UBE2E3: variants seen among roughly 807,000 people sequenced by gnomAD.
The protein encoded by UBE2E3 is ubiquitin-conjugating enzyme E2 E3.
A neutral mutation model predicts 23.6 loss-of-function variants in UBE2E3; 5 were observed. The observed-to-expected ratio is 0.21, with a 90% CI of 0.11 to 0.44. The LOEUF is 0.44. Ranked by LOEUF, UBE2E3 falls within the 20% of genes least tolerant of loss-of-function variation. The pLI, the probability that UBE2E3 is intolerant of heterozygous loss-of-function variation, is 0.99. For missense variants in UBE2E3, 81 were observed against 249.8 expected, an observed-to-expected ratio of 0.32 and a Z score of 4.55; for synonymous variants, 78 against 87.5, an observed-to-expected ratio of 0.89 and a Z score of 0.60.
chr2:180,989,761 T>C (rs1465636633), intron 3 of UBE2E3: 14 of 1,088,744 alleles, frequency 1.3e-5, no homozygotes, highest in Middle Eastern at 2.2e-4. Context: ...AAAAAAGTTA[T>C]ATGTTTACTT....
intron 3 of UBE2E3, among the ~76,000 whole-genome samples, chr2:181,047,690 A>G (rs764762335): frequency 6.6e-6 from 1 of 151,942 alleles, no homozygotes; most frequent in Non-Finnish European, 1.5e-5. Context: ...TGTCTCTGGT[A>G]CCATATTAGT....
At chr2:181,058,880 T>G (rs143409541) in intron 4 of UBE2E3, among the ~76,000 whole-genome samples, 2 of 151,912 alleles carry the variant, frequency 1.3e-5, no homozygotes, top group East Asian at 3.9e-4. Context: ...TGTTAGTGTT[T>G]AAAGTGCTTT....
chr2:180,982,693 A>G (rs1403527757), intron 2 of UBE2E3, among the ~76,000 whole-genome samples: 3 of 152,206 alleles, frequency 2.0e-5, no homozygotes, highest in Non-Finnish European at 2.9e-5. Context: ...GGCCTTTGCT[A>G]TATTTGAAAG....
chr2:181,049,434 GGTT>G, intron 3 of UBE2E3, among the ~76,000 whole-genome samples: 1 of 152,110 alleles, frequency 6.6e-6, no homozygotes, highest in South Asian at 2.1e-4. Context: ...CCTTGTGTAT[GGTT>G]GTACTTGTAG....
intron 3 of UBE2E3, among the ~76,000 whole-genome samples, chr2:180,988,215 C>T (rs111607341): frequency 5.1e-4 from 77 of 152,196 alleles, no homozygotes; most frequent in African/African-American, 1.8e-3. Flanking sequence ...ACAGTGTAGC[C>T]TGTAGTGATG....
At chr2:181,048,480 T>G (rs932478530) in intron 3 of UBE2E3, among the ~76,000 whole-genome samples, 7 of 152,154 alleles carry the variant, frequency 4.6e-5, no homozygotes, top group Admixed American at 3.3e-4. Context: ...AGCAATACCA[T>G]TTCCTGGTTG....
At chr2:181,031,406 T>C (rs1686073344) in intron 3 of UBE2E3, among the ~76,000 whole-genome samples, 2 of 152,198 alleles carry the variant, frequency 1.3e-5, no homozygotes, top group African/African-American at 4.8e-5. Flanking sequence ...TACTATACCT[T>C]GAGGCTATTT....
chr2:181,014,370 A>C (rs756770533), intron 3 of UBE2E3, among the ~76,000 whole-genome samples: 1 of 152,146 alleles, frequency 6.6e-6, no homozygotes, highest in Non-Finnish European at 1.5e-5. Context: ...AAATTATTTG[A>C]GTATTTTAGG....
At chr2:181,010,134 C>A (rs1202432927) in intron 3 of UBE2E3, among the ~76,000 whole-genome samples, 1 of 152,128 alleles carries the variant, frequency 6.6e-6, no homozygotes, top group Non-Finnish European at 1.5e-5. Context: ...CCACCACATA[C>A]TACTACTCCT....
intron 3 of UBE2E3, among the ~76,000 whole-genome samples, chr2:181,001,583 A>G (rs1203713917): frequency 2.0e-5 from 3 of 152,150 alleles, no homozygotes; most frequent in Admixed American, 1.3e-4. Context: ...AAAAGTGAAG[A>G]AAAAAATAAA....
chr2:181,000,610 A>G (rs1684963385), intron 3 of UBE2E3, among the ~76,000 whole-genome samples: 1 of 148,548 alleles, frequency 6.7e-6, no homozygotes, highest in Admixed American at 6.7e-5. Flanking sequence ...GCTGCAGTGC[A>G]GTGGCTTGAT....
intron 3 of UBE2E3, among the ~76,000 whole-genome samples, chr2:181,000,633 C>T (rs1377562003): frequency 6.6e-6 from 1 of 151,086 alleles, no homozygotes; most frequent in African/African-American, 2.4e-5. Context: ...CAGCTCACTG[C>T]AAGCTCTGTC....
At chr2:180,997,094 C>T (rs1372279998) in intron 3 of UBE2E3, among the ~76,000 whole-genome samples, 1 of 150,384 alleles carries the variant, frequency 6.6e-6, no homozygotes, top group Non-Finnish European at 1.5e-5. Context: ...TCTGTTACCC[C>T]ATTGCCTCAA....
At chr2:181,012,200 T>C (rs187063823) in intron 3 of UBE2E3, among the ~76,000 whole-genome samples, 2 of 152,300 alleles carry the variant, frequency 1.3e-5, no homozygotes, top group East Asian at 3.9e-4. Context: ...CAACACTTAC[T>C]ACATTAACAA....
intron 3 of UBE2E3, among the ~76,000 whole-genome samples, chr2:181,026,203 A>C (rs796071140): frequency 6.6e-6 from 1 of 151,986 alleles, no homozygotes; most frequent in Non-Finnish European, 1.5e-5. Flanking sequence ...TTTGAAAATA[A>C]TGATTGAAGC....
At chr2:181,053,018 C>G (rs1427262019) in intron 3 of UBE2E3, among the ~76,000 whole-genome samples, 3 of 151,826 alleles carry the variant, frequency 2.0e-5, no homozygotes, top group Non-Finnish European at 4.4e-5. Context: ...ATTTCTTAGT[C>G]GTTTCACCAC....
At chr2:181,043,578 C>T (rs1463159421) in intron 3 of UBE2E3, among the ~76,000 whole-genome samples, 3 of 152,078 alleles carry the variant, frequency 2.0e-5, no homozygotes, top group Non-Finnish European at 4.4e-5. Context: ...ACTTCTGGTC[C>T]TAAGCATTTT....
Position 181,050,629 on chromosome 2 carries a change from G to A in UBE2E3, c.246-7064G>A, listed in dbSNP as rs1194769874. Among the ~76,000 whole-genome samples, 4 of 151,916 alleles carry A rather than the reference G, an allele frequency of 2.6e-5. No homozygotes were observed. The East Asian group carries it at 7.8e-4, about 29-fold the overall frequency. ...AGGAGCTGGGTAATTAAAAATATTT[G>A]TATGGATTTATTGCTTTCAAATTTG... On this transcript the variant is annotated intron_variant, in intron 3 of 5. Transcript: ENST00000410062.
intron 3 of UBE2E3, among the ~76,000 whole-genome samples, chr2:180,994,142 T>A (rs530112887): frequency 3.2e-4 from 48 of 152,334 alleles, no homozygotes; most frequent in African/African-American, 1.1e-3. Flanking sequence ...TTTTCTCATC[T>A]TCCCAGGTGC....
Sources: gnomAD v4.1 joint callset for allele counts (sites outside exome capture counted in the v4.1 genomes callset) on GRCh38, gnomAD v4.1.1 for gene constraint, MANE v1.5 for transcripts, NCBI Gene and HGNC (gene_info 2026-07-23, HGNC 2026-07-21) for gene names.